GRIK4: variants seen among roughly 807,000 people sequenced by gnomAD.
The protein encoded by GRIK4 is glutamate ionotropic receptor kainate type subunit 4.
A neutral mutation model predicts 104.9 loss-of-function variants in GRIK4; 40 were observed. The ratio of observed to expected loss-of-function variants is 0.38; its 90% CI spans 0.30 to 0.50. The LOEUF is 0.50. Among genes scored for constraint, GRIK4 ranks in the 20% least tolerant of loss-of-function variants. The pLI is 0.93. For synonymous variants in GRIK4, 485 were observed against 524.9 expected, an observed-to-expected ratio of 0.92 and a Z score of 1.04; for missense variants, 1,047 against 1,308.1, an observed-to-expected ratio of 0.80 and a Z score of 3.08.
intron 6 of GRIK4, among the ~76,000 whole-genome samples, chr11:120,821,390 G>T (rs1953123617): frequency 6.6e-6 from 1 of 152,212 alleles, no homozygotes; most frequent in Non-Finnish European, 1.5e-5. Context: ...TCCTGATGCT[G>T]TGCCTAGGGG....
At chr11:120,719,977 A>G (rs1950900640) in intron 3 of GRIK4, among the ~76,000 whole-genome samples, 1 of 152,020 alleles carries the variant, frequency 6.6e-6, no homozygotes, top group Non-Finnish European at 1.5e-5. Flanking sequence ...CAATTCAAGA[A>G]AGAGATAAGG....
rs77608779 is a variant in GRIK4, at chr11:120,603,279, A to G, written c.-158-50406A>G. On this transcript the variant is annotated intron_variant, in intron 1 of 20. Transcript: ENST00000527524. ...TGAGGCCACACACCTGCCAGGCTAC[A>G]CTTACTTTATTGGCTTGGTCGGCTC... is the stretch of plus-strand genomic sequence containing the variant. 5.3e-5 allele frequency among the ~76,000 whole-genome samples: 8 copies of G among 152,348 alleles called. No individual in the cohort carries two copies. In the East Asian group the frequency reaches 1.5e-3, roughly 29 times the overall value.
chr11:120,740,294 C>T (rs1385197714), intron 3 of GRIK4, among the ~76,000 whole-genome samples: 1 of 152,232 alleles, frequency 6.6e-6, no homozygotes, highest in African/African-American at 2.4e-5. Context: ...GGCCATGCAC[C>T]TGCTGTTGAT....
At chr11:120,770,313 A>G (rs535598948) in intron 3 of GRIK4, among the ~76,000 whole-genome samples, 6 of 152,234 alleles carry the variant, frequency 3.9e-5, no homozygotes, top group Non-Finnish European at 8.8e-5. Flanking sequence ...TTTATGCCAC[A>G]TAGTGAAAGT....
At chr11:120,625,207 G>A (rs1949242657) in intron 1 of GRIK4, among the ~76,000 whole-genome samples, 1 of 152,166 alleles carries the variant, frequency 6.6e-6, no homozygotes, top group Non-Finnish European at 1.5e-5. Flanking sequence ...CCAGGAGGTG[G>A]AGGTTGCAGT....
Position 120,967,079 on chromosome 11 carries a change from C to G in GRIK4, c.2267-116C>G. The G allele has an allele frequency of 8.6e-7, 1 of 1,159,422 alleles. No homozygotes were observed. Among genetic ancestry groups the G allele is most frequent in the Non-Finnish European group, 1.2e-6 (1 of 813,622 alleles). The allele number at this position is 1,159,422 out of a possible 1,614,324, so 71.8% of individuals were successfully genotyped here. A position where few individuals can be genotyped will look rare whatever the true frequency, so the allele number is the denominator to read the frequency against. On this transcript the variant is annotated intron_variant, in intron 18 of 20. Coordinates refer to ENST00000527524, the MANE Select transcript of GRIK4 (RefSeq NM_014619.5). This position sits in a 1 kb window ranked among gnomAD's most constrained non-coding sequence, Gnocchi z 4.2. Reference sequence around the variant, plus strand: ...GCCCCACCCGCTGCATCTGTCTGTCCCCTCTCGAGGTGAAAGCAGGCAGGG... The same window carrying G: ...GCCCCACCCGCTGCATCTGTCTGTCGCCTCTCGAGGTGAAAGCAGGCAGGG...
chr11:120,681,157 G>A (rs890212462), intron 3 of GRIK4, among the ~76,000 whole-genome samples: 2 of 152,168 alleles, frequency 1.3e-5, no homozygotes, highest in South Asian at 4.1e-4. Context: ...CAGATGTCAG[G>A]AAACTCAAAG....
chr11:120,918,338 A>G (rs900927230), intron 13 of GRIK4, among the ~76,000 whole-genome samples: 8 of 152,112 alleles, frequency 5.3e-5, no homozygotes, highest in Non-Finnish European at 1.2e-4. Flanking sequence ...ACCCATTCTG[A>G]TGTACTTACC....
Position 120,940,377 on chromosome 11 carries a change from A to C in GRIK4, c.1507A>C (p.Ile503Leu), listed in dbSNP as rs2134642405. The C allele has an allele frequency of 6.2e-7, 1 of 1,613,452 alleles. No individual in the cohort carries two copies. The highest frequency in any genetic ancestry group is 1.1e-5 in the South Asian group (1 of 91,050). ...KADLAVAGLT[I>L]TAEREKVIDF... ...AGATCTGGCTGTGGCAGGCCTCACC[A>C]TTACAGCTGAACGGGAGAAGGTGAT... Residue 503 changes from isoleucine (I) to leucine (L), a missense_variant, in exon 14 of 21, where the codon ATT (isoleucine) becomes CTT (leucine). Physicochemically the swap from Ile to Leu is conservative, Grantham distance 5 (BLOSUM62 2). Coordinates refer to ENST00000527524, the MANE Select transcript of GRIK4 (RefSeq NM_014619.5). The surrounding 1 kb of genome is among the most constrained non-coding windows in gnomAD (Gnocchi z 4.3).
chr11:120,949,706 G>C (rs1943952732), intron 14 of GRIK4, among the ~76,000 whole-genome samples: 1 of 152,194 alleles, frequency 6.6e-6, no homozygotes. Context: ...AAGATGAAAA[G>C]GAGAGGAAGA....
intron 3 of GRIK4, among the ~76,000 whole-genome samples, chr11:120,668,131 A>C (rs1949949962): frequency 6.6e-6 from 1 of 151,266 alleles, no homozygotes. Flanking sequence ...AGATAGATAG[A>C]TAGATAGATA....
At chr11:120,653,112 T>C (rs1407661244) in intron 1 of GRIK4, among the ~76,000 whole-genome samples, 8 of 152,234 alleles carry the variant, frequency 5.3e-5, no homozygotes, top group Non-Finnish European at 1.2e-4. Flanking sequence ...CATGCATGCA[T>C]TTGACAGTAT....
At chr11:120,532,247 A>G (rs1248622028) in intron 1 of GRIK4, among the ~76,000 whole-genome samples, 2 of 152,010 alleles carry the variant, frequency 1.3e-5, no homozygotes, top group Non-Finnish European at 2.9e-5. Context: ...TTGAACATCC[A>G]TCCCCCAGCT....
At chr11:120,606,307 A>G (rs1405892803) in intron 1 of GRIK4, among the ~76,000 whole-genome samples, 2 of 152,082 alleles carry the variant, frequency 1.3e-5, no homozygotes, top group Non-Finnish European at 2.9e-5. Context: ...TCAGCGTCTC[A>G]CTTGAGCAGC....
chr11:120,969,603 T>C lies in GRIK4; in HGVS notation c.2395+2280T>C, dbSNP rs111573662. On this transcript the variant is annotated intron_variant, in intron 19 of 20. Coordinates refer to ENST00000527524, the MANE Select transcript of GRIK4 (RefSeq NM_014619.5). ...GACACATGGATTGGAAACATGTGAC[T>C]GGACCTGGAATAGCTAAAATAAAGT... 4.7e-3 allele frequency among the ~76,000 whole-genome samples: 723 copies of C among 152,298 alleles called. 3 individuals carry two copies. Among genetic ancestry groups the C allele is most frequent in the Non-Finnish European group, 6.6e-3 (447 of 68,030 alleles).
intron 19 of GRIK4, among the ~76,000 whole-genome samples, chr11:120,973,838 A>G (rs986714653): frequency 6.6e-6 from 1 of 152,154 alleles, no homozygotes; most frequent in African/African-American, 2.4e-5. Flanking sequence ...CAAACTTACT[A>G]TGGTATATAA....
intron 3 of GRIK4, among the ~76,000 whole-genome samples, chr11:120,688,357 A>G (rs1393679535): frequency 1.3e-5 from 2 of 152,248 alleles, no homozygotes; most frequent in Non-Finnish European, 2.9e-5. Flanking sequence ...ATTAACACAT[A>G]AAAACCACAG....
intron 19 of GRIK4, among the ~76,000 whole-genome samples, chr11:120,978,612 T>C (rs530374332): frequency 3.9e-4 from 60 of 152,194 alleles, no homozygotes; most frequent in African/African-American, 1.4e-3. Flanking sequence ...GGGAAATAGT[T>C]TTAAAGGCTA....
chr11:120,928,991 G>A lies in GRIK4; in HGVS notation c.1477-11356G>A, dbSNP rs990716336. On this transcript the variant is annotated intron_variant, in intron 13 of 20. Coordinates refer to ENST00000527524, the MANE Select transcript of GRIK4 (RefSeq NM_014619.5). ...TGTGTGTGTGTGTGTGTGTGTGTGC[G>A]CGCGTGCACGCGTGTATGTGTGTGT... is the stretch of plus-strand genomic sequence containing the variant. Among the ~76,000 whole-genome samples, 218 of 146,388 alleles carry A rather than the reference G, an allele frequency of 1.5e-3. 1 individual carries two copies. The highest frequency in any genetic ancestry group is 5.3e-3 in the African/African-American group (205 of 38,698).
Sources: gnomAD v4.1 joint callset for allele counts (sites outside exome capture counted in the v4.1 genomes callset) on GRCh38, gnomAD v4.1.1 for gene constraint, Gnocchi (gnomAD v3.1) non-coding constraint, MANE v1.5 for transcripts, NCBI Gene and HGNC (gene_info 2026-07-23, HGNC 2026-07-21) for gene names.